Variants in MFSD11 observed in about 807,000 individuals in gnomAD.
MFSD11 encodes the protein UNC93-like protein MFSD11.
Under a neutral mutation model 53.5 loss-of-function variants are expected in MFSD11, and 36 were observed. That is an observed-to-expected ratio of 0.67 (90% CI 0.52 to 0.89). The LOEUF (loss-of-function observed/expected upper bound fraction) is 0.89, where lower values mean the gene tolerates loss of function less well. Ranked by LOEUF, MFSD11 falls within the 40% of genes least tolerant of loss-of-function variation. The probability of loss-of-function intolerance (pLI) is 0.00; values close to 1 mark genes in which losing one functional copy is unlikely to be tolerated. For synonymous variants in MFSD11, 186 were observed against 184.9 expected, an observed-to-expected ratio of 1.01 and a Z score of -0.05; for missense variants, 530 against 543.9, an observed-to-expected ratio of 0.97 and a Z score of 0.25.
In MFSD11 at chr17:76,763,396, C is replaced by CT. The variant is rs375394282; in HGVS notation, c.683-3990_683-3989insT. On this transcript the variant is annotated intron_variant, in intron 8 of 12. Coordinates refer to ENST00000685175, the MANE Select transcript of MFSD11 (RefSeq NM_001242532.5). Reference sequence around the variant, plus strand: ...TCTCCTGTCTCAGCCTCCCTAGTAGCGGGATTACAGGTGCATGCTACCCCT... The same window carrying CT: ...TCTCCTGTCTCAGCCTCCCTAGTAGCTGGGATTACAGGTGCATGCTACCCCT... Among the ~76,000 whole-genome samples, 121 of 151,836 alleles carry CT rather than the reference C, an allele frequency of 8.0e-4. No homozygotes were observed. In the South Asian group the frequency reaches 0.013, roughly 16 times the overall value.
At chr17:76,749,172 G>T (rs565639961) in intron 7 of MFSD11, among the ~76,000 whole-genome samples, 1 of 152,236 alleles carries the variant, frequency 6.6e-6, no homozygotes, top group East Asian at 1.9e-4. Context: ...ACCAATTTTA[G>T]AATATTTTAT....
downstream of MFSD11, among the ~76,000 whole-genome samples, chr17:76,786,295 C>A (rs1271137371): frequency 6.6e-6 from 1 of 151,506 alleles, no homozygotes; most frequent in Non-Finnish European, 1.5e-5. Flanking sequence ...CAGACATGCA[C>A]CACCATGCCC....
At chr17:76,738,046 A>C, upstream of MFSD11, 1 of 393,776 alleles carries the variant, frequency 2.5e-6, no homozygotes, top group Non-Finnish European at 4.5e-6. Context: ...TGCGGCTGGC[A>C]CTTGGCCCTT....
upstream of MFSD11, chr17:76,737,283 C>G: frequency 7.5e-7 from 1 of 1,331,338 alleles, no homozygotes; most frequent in Non-Finnish European, 1.0e-6. Flanking sequence ...GGCCTTGCCG[C>G]AGAACAGCAC....
At chr17:76,791,020 AAATCTT>A in the MFSD11 span, among the ~76,000 whole-genome samples, 4 of 148,448 alleles carry the variant, frequency 2.7e-5, 2 homozygotes, top group African/African-American at 1.0e-4. Context: ...ACAATATACT[AAATCTT>A]AATACTAGGA....
downstream of MFSD11, among the ~76,000 whole-genome samples, chr17:76,782,318 G>A (rs1050273760): frequency 2.6e-5 from 4 of 151,822 alleles, no homozygotes; most frequent in African/African-American, 9.7e-5. Context: ...TGGGATTACA[G>A]GCATGTGCCA....
At position 76,762,494 on chromosome 17, in the gene MFSD11, G is replaced by A. The variant is rs1367113790; in HGVS notation, c.683-4892G>A. Among the ~76,000 whole-genome samples, 9 of 152,038 alleles carry A rather than the reference G, an allele frequency of 5.9e-5. No homozygotes were observed. In the East Asian group the frequency reaches 1.2e-3, roughly 20 times the overall value. ...ATCCTGGCTAACACGGTGAAACCCC[G>A]TCTCTACTAAAAATACAAAAAAATT... On this transcript the variant is annotated intron_variant, in intron 8 of 12. Transcript: ENST00000685175.
chr17:76,783,429 C>T (rs941330368), downstream of MFSD11, among the ~76,000 whole-genome samples: 10 of 152,164 alleles, frequency 6.6e-5, no homozygotes, highest in Admixed American at 5.2e-4. Flanking sequence ...CCTCCCCTCC[C>T]GAGTTTTCCC....
chr17:76,737,152 G>A (rs1373611272), upstream of MFSD11: 7 of 1,581,796 alleles, frequency 4.4e-6, no homozygotes, highest in African/African-American at 1.3e-5. Context: ...GGGGGCGGCC[G>A]TAGCTCATAG....
intron 7 of MFSD11, among the ~76,000 whole-genome samples, chr17:76,750,364 A>ATTT (rs1256470874): frequency 7.1e-4 from 88 of 123,650 alleles, no homozygotes; most frequent in African/African-American, 2.1e-3. Context: ...TGTGTTAGTA[A>ATTT]TTTTTTTTTT....
upstream of MFSD11, chr17:76,737,059 G>A (rs2077539634): frequency 4.3e-6 from 7 of 1,613,202 alleles, no homozygotes; most frequent in African/African-American, 1.3e-5. Context: ...CGTACTTCTC[G>A]AAGACGCGCC....
chr17:76,766,393 T>TG, intron 8 of MFSD11, among the ~76,000 whole-genome samples: 1 of 139,588 alleles, frequency 7.2e-6, no homozygotes, highest in Middle Eastern at 3.6e-3. Context: ...TACTCCAGCC[T>TG]GGGTGACAAA....
chr17:76,780,670 C>T (rs1288538610), downstream of MFSD11, among the ~76,000 whole-genome samples: 1 of 151,992 alleles, frequency 6.6e-6, no homozygotes, highest in Non-Finnish European at 1.5e-5. Context: ...CATGCACCAC[C>T]CCGCCTGGCT....
chr17:76,745,850 C>T (rs888712866), intron 7 of MFSD11, among the ~76,000 whole-genome samples: 34 of 139,234 alleles, frequency 2.4e-4, no homozygotes, highest in African/African-American at 6.7e-4. Context: ...TTTTTTGAGA[C>T]GGAGTCTCGC....
At chr17:76,780,483 TTTG>T (rs1047820598), downstream of MFSD11, among the ~76,000 whole-genome samples, 31 of 151,366 alleles carry the variant, frequency 2.0e-4, no homozygotes, top group African/African-American at 6.8e-4. Context: ...AGAGCTCACT[TTTG>T]TTGTTGTTGT....
downstream of MFSD11, among the ~76,000 whole-genome samples, chr17:76,784,982 A>G (rs185932975): frequency 2.2e-3 from 336 of 152,378 alleles, 1 homozygote; most frequent in South Asian, 4.8e-3. Context: ...CTCTGGGCAT[A>G]TACACAAAAT....
chr17:76,803,769 A>G, the MFSD11 span, among the ~76,000 whole-genome samples: 1 of 151,724 alleles, frequency 6.6e-6, no homozygotes, highest in Non-Finnish European at 1.5e-5. Context: ...GCTCAGGGAG[A>G]CTGATTTGAG....
Position 76,743,336 on chromosome 17 carries a change from T to C in MFSD11, c.438-62T>C. 1.1e-5 allele frequency: 12 copies of C among 1,116,436 alleles called. 1 individual carries two copies. In the South Asian group the frequency reaches 1.9e-4, roughly 18 times the overall value. 69.2% of individuals were successfully genotyped at this position (1,116,436 alleles called of 1,614,324 possible). On this transcript the variant is annotated intron_variant, in intron 5 of 12. Transcript: ENST00000685175. ...CAACAAATAATGGGAATAATTATTT[T>C]TAAAAAACTATAAATATTAAAATAA... is the stretch of plus-strand genomic sequence containing the variant.
chr17:76,786,665 C>G, the MFSD11 span, among the ~76,000 whole-genome samples: 1 of 152,206 alleles, frequency 6.6e-6, no homozygotes, highest in Non-Finnish European at 1.5e-5. Flanking sequence ...CAGGCATGTG[C>G]CATATTTCTG....
Sources: gnomAD v4.1 joint callset for allele counts (sites outside exome capture counted in the v4.1 genomes callset) on GRCh38, gnomAD v4.1.1 for gene constraint, MANE v1.5 for transcripts, NCBI Gene and HGNC (gene_info 2026-07-23, HGNC 2026-07-21) for gene names.